The following BCAS3 variants were observed in gnomAD, a reference collection of about 807,000 sequenced individuals.
BCAS3 encodes the protein BCAS4/BCAS3 fusion.
A neutral mutation model predicts 116.1 loss-of-function variants in BCAS3; 53 were observed. The ratio of observed to expected loss-of-function variants is 0.46; its 90% CI spans 0.37 to 0.57. BCAS3 has a LOEUF of 0.57. Ranked by LOEUF, BCAS3 falls within the 20% of genes least tolerant of loss-of-function variation. The pLI is 0.00. For synonymous variants in BCAS3, 391 were observed against 408.2 expected (o/e 0.96, Z 0.51); for missense variants, 917 against 1,165.4 (o/e 0.79, Z 3.10).
rs1322164829 is a variant in BCAS3, at chr17:60,868,624, G to A, written c.525G>A (p.Gly175=). ...CCVDLYSLRT[G]EMVKSIQFKT... ...TGGATCTGTATTCACTTCGTACTGG[G>A]GAGATGGTCAAGTCCATTCAATTTA... The change falls in exon 8 of 24, where the codon GGG becomes GGA. Residue 175 remains glycine, a synonymous_variant. Coordinates refer to ENST00000407086, the MANE Select transcript of BCAS3 (RefSeq NM_017679.5). The A allele has an allele frequency of 6.2e-7, 1 of 1,603,970 alleles. No individual in the cohort carries two copies. Among genetic ancestry groups the A allele is most frequent in the Non-Finnish European group, 8.5e-7 (1 of 1,176,348 alleles).
intron 22 of BCAS3, among the ~76,000 whole-genome samples, chr17:61,294,251 T>C (rs773406956): frequency 1.3e-5 from 2 of 150,802 alleles, no homozygotes; most frequent in Non-Finnish European, 2.9e-5. Context: ...CAATATAATA[T>C]CATATGTTTT....
At chr17:60,832,288 C>T (rs1476974615) in intron 7 of BCAS3, among the ~76,000 whole-genome samples, 1 of 152,126 alleles carries the variant, frequency 6.6e-6, no homozygotes, top group Non-Finnish European at 1.5e-5. Flanking sequence ...TGTGGCTGAA[C>T]TTTTTACCCT....
Position 60,874,644 on chromosome 17 carries a change from T to TTC in BCAS3, c.585-10_585-9dup. 1 of 1,569,814 alleles carries TTC rather than the reference T, an allele frequency of 6.4e-7. No homozygotes were observed. Among genetic ancestry groups the TTC allele is most frequent in the Non-Finnish European group, 8.7e-7 (1 of 1,143,188 alleles). ...TTCACTTTTTTTCTTTCTGTTTTTT[T>TTC]TCTCTCTCTAATTTTAGGATCCTTG... On this transcript the variant is annotated splice_polypyrimidine_tract_variant and intron_variant, in intron 8 of 23. Coordinates refer to ENST00000407086, the MANE Select transcript of BCAS3 (RefSeq NM_017679.5).
At chr17:61,152,330 G>C (rs2077585730) in intron 22 of BCAS3, among the ~76,000 whole-genome samples, 2 of 152,172 alleles carry the variant, frequency 1.3e-5, no homozygotes, top group South Asian at 4.2e-4. Flanking sequence ...CCTAGTGATT[G>C]GTGTGTTTTA....
intron 14 of BCAS3, among the ~76,000 whole-genome samples, chr17:60,970,921 A>G (rs1307159962): frequency 1.3e-5 from 2 of 152,218 alleles, no homozygotes; most frequent in African/African-American, 2.4e-5. Context: ...TGCAGAATAC[A>G]TATTATTTTC....
At chr17:60,973,843 C>T (rs973933248) in intron 14 of BCAS3, among the ~76,000 whole-genome samples, 6 of 151,928 alleles carry the variant, frequency 3.9e-5, no homozygotes, top group African/African-American at 9.7e-5. Context: ...CCACCTGCCT[C>T]GGCCTCCCAT....
At position 61,347,870 on chromosome 17, in the gene BCAS3, A is replaced by G. The variant is rs764467361; in HGVS notation, c.2426-20457A>G. 2.6e-5 allele frequency among the ~76,000 whole-genome samples: 4 copies of G among 152,314 alleles called. No homozygotes were observed. The highest frequency in any genetic ancestry group is 4.8e-5 in the African/African-American group (2 of 41,576). On this transcript the variant is annotated intron_variant, in intron 22 of 23. Coordinates refer to ENST00000407086, the MANE Select transcript of BCAS3 (RefSeq NM_017679.5). This position sits in a 1 kb window ranked among gnomAD's most constrained non-coding sequence, Gnocchi z 4.3. ...CAGAGGGAGCAGCAGATGCACAGACACAGGGGCAAGGCGCAAGGTGGGGTG... is the reference window on the plus strand; with the variant it reads ...CAGAGGGAGCAGCAGATGCACAGACGCAGGGGCAAGGCGCAAGGTGGGGTG...
At chr17:61,297,441 G>A (rs766305559) in intron 22 of BCAS3, among the ~76,000 whole-genome samples, 1 of 152,122 alleles carries the variant, frequency 6.6e-6, no homozygotes, top group Non-Finnish European at 1.5e-5. Context: ...TGTGTATGCC[G>A]GGGGAGGGCA....
intron 6 of BCAS3, among the ~76,000 whole-genome samples, chr17:60,781,799 G>A (rs989452725): frequency 1.3e-5 from 2 of 151,302 alleles, no homozygotes; most frequent in African/African-American, 4.9e-5. Flanking sequence ...TTTTTCCTAC[G>A]TTAGTTAATA....
At chr17:61,015,026 TA>T (rs1478711691) in intron 15 of BCAS3, among the ~76,000 whole-genome samples, 1 of 152,172 alleles carries the variant, frequency 6.6e-6, no homozygotes, top group East Asian at 1.9e-4. Flanking sequence ...GTTCTTGGAT[TA>T]AAAGGTATAT....
At chr17:61,062,834 T>G (rs374452431) in intron 19 of BCAS3, among the ~76,000 whole-genome samples, 40 of 152,320 alleles carry the variant, frequency 2.6e-4, no homozygotes, top group African/African-American at 8.9e-4. Flanking sequence ...TTAATGATTT[T>G]TTTTAAGATT....
chr17:60,878,306 G>A (rs1037386666), intron 9 of BCAS3, among the ~76,000 whole-genome samples: 4 of 152,066 alleles, frequency 2.6e-5, no homozygotes, highest in African/African-American at 7.2e-5. Context: ...CTCCATGCCC[G>A]GCCAGTAATG....
intron 22 of BCAS3, among the ~76,000 whole-genome samples, chr17:61,247,979 G>A (rs924742811): frequency 4.6e-5 from 7 of 152,178 alleles, no homozygotes; most frequent in African/African-American, 1.7e-4. Flanking sequence ...TGTCACATTG[G>A]AACTTTGTTC....
chr17:60,907,815 G>A (rs1340218066), intron 11 of BCAS3, among the ~76,000 whole-genome samples: 1 of 152,054 alleles, frequency 6.6e-6, no homozygotes, highest in Middle Eastern at 3.2e-3. Flanking sequence ...AAAATAGTCA[G>A]ATATATACAT....
chr17:61,147,540 A>G (rs2077296385), intron 22 of BCAS3, among the ~76,000 whole-genome samples: 1 of 152,138 alleles, frequency 6.6e-6, no homozygotes, highest in East Asian at 1.9e-4. Context: ...TGTTTCTTGT[A>G]TCAAAGTAGC....
intron 22 of BCAS3, among the ~76,000 whole-genome samples, chr17:61,301,291 C>T (rs2053404970): frequency 6.6e-6 from 1 of 152,312 alleles, no homozygotes; most frequent in Middle Eastern, 3.4e-3. Flanking sequence ...TTTCAGAAAA[C>T]GTTTCCCAAT....
At position 61,235,759 on chromosome 17, in the gene BCAS3, A is replaced by AG. The variant is rs1175750034; in HGVS notation, c.2426-132566dup. On this transcript the variant is annotated intron_variant, in intron 22 of 23. Coordinates refer to ENST00000407086, the MANE Select transcript of BCAS3 (RefSeq NM_017679.5). This position sits in a 1 kb window ranked among gnomAD's most constrained non-coding sequence, Gnocchi z 5.0. The stretch of plus-strand genomic sequence containing the variant: ...AGACAAGGGAAAAAAATGGTTAGGG[A>AG]GGCTGCAAAAGAGATGTGGAGACTG... Among the ~76,000 whole-genome samples, 1 of 151,542 alleles carries AG rather than the reference A, an allele frequency of 6.6e-6. No individual in the cohort carries two copies. Among genetic ancestry groups the AG allele is most frequent in the Non-Finnish European group, 1.5e-5 (1 of 67,916 alleles).
At chr17:61,212,949 T>G (rs1475025871) in intron 22 of BCAS3, among the ~76,000 whole-genome samples, 3 of 152,230 alleles carry the variant, frequency 2.0e-5, no homozygotes, top group Admixed American at 6.5e-5. Flanking sequence ...TGCTTATACT[T>G]TATCCCTTAT....
At chr17:61,341,714 T>C (rs555031200) in intron 22 of BCAS3, among the ~76,000 whole-genome samples, 1 of 152,308 alleles carries the variant, frequency 6.6e-6, no homozygotes, top group East Asian at 1.9e-4. Context: ...CCGCAATGGT[T>C]GTTATCACGC....
Sources: gnomAD v4.1 joint callset for allele counts (sites outside exome capture counted in the v4.1 genomes callset) on GRCh38, gnomAD v4.1.1 for gene constraint, Gnocchi (gnomAD v3.1) non-coding constraint, MANE v1.5 for transcripts, NCBI Gene and HGNC (gene_info 2026-07-23, HGNC 2026-07-21) for gene names.